PRR29: variants seen among roughly 807,000 people sequenced by gnomAD.
PRR29 encodes the protein proline rich 29, also known as proline-rich protein 29.
PRR29 carries 20 observed loss-of-function variants against 25.1 expected under a neutral mutation model. The observed-to-expected ratio is 0.80, with a 90% CI of 0.56 to 1.16. PRR29 has a LOEUF of 1.16. PRR29 is among the 50% of genes most tolerant of loss of function. The pLI, the probability that PRR29 is intolerant of heterozygous loss-of-function variation, is 0.00. For missense variants in PRR29, 238 were observed against 246.6 expected, an observed-to-expected ratio of 0.97 and a Z score of 0.23; for synonymous variants, 108 against 102.6, an observed-to-expected ratio of 1.05 and a Z score of -0.32.
chr17:63,998,700 C>A lies in PRR29; in HGVS notation c.61-7C>A, dbSNP rs759676274. 5.3e-6 allele frequency: 8 copies of A among 1,511,788 alleles called. No homozygotes were observed. The East Asian group carries it at 7.4e-5, about 14-fold the overall frequency. 93.6% of individuals were successfully genotyped at this position (1,511,788 alleles called of 1,614,324 possible). On this transcript the variant is annotated splice_polypyrimidine_tract_variant and splice_region_variant and intron_variant, in intron 1 of 5. Transcript: ENST00000412177. ...CCCCACCTGGCTGACTCCGCGCACA[C>A]CCCCAGCCCTGGGTCACCTTCCTGC...
At chr17:64,001,432 C>T in intron 4 of PRR29, 35 bp from the exon 5 acceptor site, 1 of 1,500,766 alleles carries the variant, frequency 6.7e-7, no homozygotes, top group Non-Finnish European at 8.9e-7. Flanking sequence ...ACCCCTGGGC[C>T]TCTGATGGGG....
intron 3 of PRR29, 118 bp downstream of exon 3, chr17:63,999,192 G>C: frequency 1.3e-6 from 1 of 779,860 alleles, no homozygotes; most frequent in Non-Finnish European, 2.1e-6. Context: ...AAGCCAGCCC[G>C]TCTCTCTGGC....
chr17:64,002,088 C>A lies in PRR29; in HGVS notation c.*327C>A. 8.4e-7 allele frequency: 1 copy of A among 1,187,962 alleles called. No individual in the cohort carries two copies. The highest frequency in any genetic ancestry group is 1.2e-6 in the Non-Finnish European group (1 of 857,132). 73.6% of individuals were successfully genotyped at this position (1,187,962 alleles called of 1,614,324 possible). A position where few individuals can be genotyped will look rare whatever the true frequency, so the allele number is the denominator to read the frequency against. ...GGGAACAGAGCCCCCACCCTCTCTC[C>A]CTCACCCCTCTCTCTGGGATGATGA... On this transcript the variant is annotated 3_prime_UTR_variant, in exon 6 of 6. Coordinates refer to ENST00000412177, the MANE Select transcript of PRR29 (RefSeq NM_001164257.2).
rs1910890533 is a variant in PRR29 at position 64,002,903 on chromosome 17, C to T, written c.*1142C>T. On this transcript the variant is annotated 3_prime_UTR_variant, in exon 6 of 6. Coordinates refer to ENST00000412177, the MANE Select transcript of PRR29 (RefSeq NM_001164257.2). ...CCGACACCACCGTGACTATGATGAC[C>T]ATCTGGCTGTCCGACACAGGCTCTG... The T allele has an allele frequency of 1.2e-6, 2 of 1,613,654 alleles. No individual in the cohort carries two copies. Among genetic ancestry groups the T allele is most frequent in the South Asian group, 1.1e-5 (1 of 91,032 alleles).
chr17:64,003,614 TC>T lies in PRR29; in HGVS notation c.*1856del. The T allele has an allele frequency of 6.3e-7, 1 of 1,593,444 alleles. No individual in the cohort carries two copies. Among genetic ancestry groups the T allele is most frequent in the South Asian group, 1.1e-5 (1 of 87,190 alleles). ...CGAGGGGCTGAAAGTGACTTATCAC[TC>T]CCAACTCCATCCACGGATCCCCCCT... On this transcript the variant is annotated 3_prime_UTR_variant, in exon 6 of 6. Coordinates refer to ENST00000412177, the MANE Select transcript of PRR29 (RefSeq NM_001164257.2).
chr17:64,003,784 T>C lies in PRR29; in HGVS notation c.*2023T>C. On this transcript the variant is annotated 3_prime_UTR_variant, in exon 6 of 6. Coordinates refer to ENST00000412177, the MANE Select transcript of PRR29 (RefSeq NM_001164257.2). Reference sequence around the variant, plus strand: ...CGTGCTGTTGAATGTGGCTGTGGCCTCCTGCGGAGCAGGGGCTGCCTTCCC... The same window carrying C: ...CGTGCTGTTGAATGTGGCTGTGGCCCCCTGCGGAGCAGGGGCTGCCTTCCC... 1 of 1,614,260 alleles carries C rather than the reference T, an allele frequency of 6.2e-7. No homozygotes were observed. The highest frequency in any genetic ancestry group is 8.5e-7 in the Non-Finnish European group (1 of 1,180,046).
intron 1 of PRR29, 91 bp from the exon 2 acceptor site, chr17:63,998,616 A>G: frequency 9.8e-7 from 1 of 1,016,620 alleles, no homozygotes; most frequent in Non-Finnish European, 1.4e-6. Context: ...CTGCGGGGTT[A>G]GGGAGGCCAC....
Position 64,001,301 on chromosome 17 carries a change from A to T in PRR29, c.461A>T (p.Glu154Val). Residue 154 changes from glutamate (E) to valine (V), a missense_variant, in exon 4 of 6, where the codon GAA (glutamate) becomes GTA (valine). Glu to Val is a moderately radical substitution (Grantham distance 121, BLOSUM62 -2). Coordinates refer to ENST00000412177, the MANE Select transcript of PRR29 (RefSeq NM_001164257.2). ...PRIQHCPASR[E>V]REVRAVPPPP... ...ATTCAGCACTGTCCTGCCTCCAGGGAAAGGGAGGTGTAAGTGAGGCTGGGT... is the reference window on the plus strand; with the variant it reads ...ATTCAGCACTGTCCTGCCTCCAGGGTAAGGGAGGTGTAAGTGAGGCTGGGT... The T allele has an allele frequency of 6.5e-7, 1 of 1,535,242 alleles. No homozygotes were observed. The highest frequency in any genetic ancestry group is 8.7e-7 in the Non-Finnish European group (1 of 1,145,376).
At position 64,002,314 on chromosome 17, in the gene PRR29, G is replaced by A. The variant is rs1045051655; in HGVS notation, c.*553G>A. 2.2e-6 allele frequency: 1 copy of A among 456,608 alleles called. No homozygotes were observed. Among genetic ancestry groups the A allele is most frequent in the Non-Finnish European group, 4.0e-6 (1 of 248,886 alleles). The allele number at this position is 456,608 out of a possible 1,614,324, so 28.3% of individuals were successfully genotyped here. A position where few individuals can be genotyped will look rare whatever the true frequency, so the allele number is the denominator to read the frequency against. ...AGGAAGCAGCTCTGTTGGCAGAAAG[G>A]AGAGGTCAGAGCTTTGTCCTGCTGT... On this transcript the variant is annotated 3_prime_UTR_variant, in exon 6 of 6. Transcript: ENST00000412177.
intron 2 of PRR29, 35 bp downstream of exon 2, chr17:63,998,817 CATCACCACCACT>C: frequency 1.8e-6 from 2 of 1,141,138 alleles, no homozygotes; most frequent in Non-Finnish European, 2.5e-6. Context: ...CCACCCCCAC[CATCACCACCACT>C]CACCCTCTTC....
rs1910931221 is a variant in PRR29, at chr17:64,003,269, G to A, written c.*1508G>A. 2.3e-6 allele frequency: 1 copy of A among 426,208 alleles called. No individual in the cohort carries two copies. Among genetic ancestry groups the A allele is most frequent in the Non-Finnish European group, 4.3e-6 (1 of 233,972 alleles). 26.4% of individuals were successfully genotyped at this position (426,208 alleles called of 1,614,324 possible). A position where few individuals can be genotyped will look rare whatever the true frequency, so the allele number is the denominator to read the frequency against. ...CAAGCCCCTTCTTGGGCAGAGCTGAGTGAACTTCATGCCAGGCTCCCTGTG... is the reference window on the plus strand; with the variant it reads ...CAAGCCCCTTCTTGGGCAGAGCTGAATGAACTTCATGCCAGGCTCCCTGTG... On this transcript the variant is annotated 3_prime_UTR_variant, in exon 6 of 6. Coordinates refer to ENST00000412177, the MANE Select transcript of PRR29 (RefSeq NM_001164257.2).
chr17:64,003,080 T>C lies in PRR29; in HGVS notation c.*1319T>C. 1.6e-6 allele frequency: 1 copy of C among 616,842 alleles called. No individual in the cohort carries two copies. The highest frequency in any genetic ancestry group is 2.8e-6 in the Non-Finnish European group (1 of 353,832). The allele number at this position is 616,842 out of a possible 1,614,324, so 38.2% of individuals were successfully genotyped here. A position where few individuals can be genotyped will look rare whatever the true frequency, so the allele number is the denominator to read the frequency against. On this transcript the variant is annotated 3_prime_UTR_variant, in exon 6 of 6. Transcript: ENST00000412177. Reference sequence around the variant, plus strand: ...CCCAGTTGCAGAGATGAGTGGTGAATGGTGTCTGCATTAAAATTATTATCT... The same window carrying C: ...CCCAGTTGCAGAGATGAGTGGTGAACGGTGTCTGCATTAAAATTATTATCT...
Position 64,002,181 on chromosome 17 carries a change from G to A in PRR29, c.*420G>A. ...GATTCCTTCTGCTTTCCACAGCTTT[G>A]AAGGCCCCTTTGAGGTGGCTGGAGG... On this transcript the variant is annotated 3_prime_UTR_variant, in exon 6 of 6. Coordinates refer to ENST00000412177, the MANE Select transcript of PRR29 (RefSeq NM_001164257.2). 4 of 699,010 alleles carry A rather than the reference G, an allele frequency of 5.7e-6. No homozygotes were observed. The South Asian group carries it at 7.7e-5, about 13-fold the overall frequency. The allele number at this position is 699,010 out of a possible 1,614,324, so 43.3% of individuals were successfully genotyped here. A position where few individuals can be genotyped will look rare whatever the true frequency, so the allele number is the denominator to read the frequency against.
Position 64,002,685 on chromosome 17 carries a change from C to T in PRR29, c.*924C>T, listed in dbSNP as rs772776029. The T allele has an allele frequency of 6.7e-6, 10 of 1,490,502 alleles. No individual in the cohort carries two copies. Among genetic ancestry groups the T allele is most frequent in the Non-Finnish European group, 9.2e-6 (10 of 1,087,028 alleles). The allele number at this position is 1,490,502 out of a possible 1,614,324, so 92.3% of individuals were successfully genotyped here. On this transcript the variant is annotated 3_prime_UTR_variant, in exon 6 of 6. Coordinates refer to ENST00000412177, the MANE Select transcript of PRR29 (RefSeq NM_001164257.2). ...TCCTTCAGCCAGGGCTGGACCTCAA[C>T]CCTGAGGAGTCACACTGAGTTCCAG...
chr17:64,004,243 TCTC>T lies in PRR29; in HGVS notation c.*2486_*2488del. Reference sequence around the variant, plus strand: ...GGAAAGATATAAAAGTTTGGGTCTGTCTCCTCTCCTTCAGAAATGAAATATAAA... The same window carrying T: ...GGAAAGATATAAAAGTTTGGGTCTGTCTCTCCTTCAGAAATGAAATATAAA... On this transcript the variant is annotated 3_prime_UTR_variant, in exon 6 of 6. Coordinates refer to ENST00000412177, the MANE Select transcript of PRR29 (RefSeq NM_001164257.2). The T allele has an allele frequency of 2.3e-6, 1 of 431,872 alleles. No homozygotes were observed. Among genetic ancestry groups the T allele is most frequent in the Non-Finnish European group, 4.2e-6 (1 of 240,122 alleles). The allele number at this position is 431,872 out of a possible 1,614,324, so 26.8% of individuals were successfully genotyped here.
intron 3 of PRR29, 126 bp from the exon 4 acceptor site, chr17:64,000,958 G>A: frequency 3.6e-6 from 3 of 834,450 alleles, no homozygotes; most frequent in Non-Finnish European, 5.7e-6. Context: ...GAGCCACCAT[G>A]CCTGGCCACA....
intron 3 of PRR29, chr17:63,999,522 C>A (rs1404222722): frequency 5.5e-6 from 1 of 182,394 alleles, no homozygotes; most frequent in African/African-American, 2.4e-5. Context: ...CACAAGTGCA[C>A]ATAGGGTTGG....
chr17:64,003,302 C>T lies in PRR29; in HGVS notation c.*1541C>T, dbSNP rs1043212451. Reference sequence around the variant, plus strand: ...CATGCCAGGCTCCCTGTGTGCCGGCCGTCCAGGGTCACCAAGCAGCAGAGC... The same window carrying T: ...CATGCCAGGCTCCCTGTGTGCCGGCTGTCCAGGGTCACCAAGCAGCAGAGC... On this transcript the variant is annotated 3_prime_UTR_variant, in exon 6 of 6. Transcript: ENST00000412177. The T allele has an allele frequency of 2.6e-5, 11 of 429,322 alleles. No homozygotes were observed. The highest frequency in any genetic ancestry group is 1.2e-4 in the Admixed American group (3 of 25,396). The allele number at this position is 429,322 out of a possible 1,614,324, so 26.6% of individuals were successfully genotyped here.
Position 64,001,304 on chromosome 17 carries a change from G to A in PRR29, c.464G>A (p.Arg155Lys). 2 of 1,535,482 alleles carry A rather than the reference G, an allele frequency of 1.3e-6. No individual in the cohort carries two copies. Among genetic ancestry groups the A allele is most frequent in the Non-Finnish European group, 1.7e-6 (2 of 1,145,464 alleles). Residue 155 changes from arginine (R) to lysine (K), a missense_variant, in exon 4 of 6, where the codon AGG (arginine) becomes AAG (lysine). Coordinates refer to ENST00000412177, the MANE Select transcript of PRR29 (RefSeq NM_001164257.2). ...RIQHCPASRE[R>K]EVRAVPPPPP... ...CAGCACTGTCCTGCCTCCAGGGAAA[G>A]GGAGGTGTAAGTGAGGCTGGGTGCT...
Sources: gnomAD v4.1 joint callset for allele counts on GRCh38, gnomAD v4.1.1 for gene constraint, MANE v1.5 for transcripts, NCBI Gene and HGNC (gene_info 2026-07-23, HGNC 2026-07-21) for gene names.